The following SGCD variants were observed in gnomAD, a reference collection of about 807,000 sequenced individuals.
SGCD encodes the protein sarcoglycan delta.
In SGCD, 18 loss-of-function variants were observed where a neutral mutation model predicts 36.6. The ratio of observed to expected loss-of-function variants is 0.49; its 90% confidence interval spans 0.34 to 0.73. The LOEUF is 0.73. Ranked by LOEUF, SGCD falls within the 30% of genes least tolerant of loss-of-function variation. The probability of loss-of-function intolerance (pLI) is 0.01; values close to 1 mark genes in which losing one functional copy is unlikely to be tolerated. For synonymous variants in SGCD, 133 were observed against 130.6 expected (o/e 1.02, Z -0.12); for missense variants, 387 against 346.7 (o/e 1.12, Z -0.92).
intron 1 of SGCD, among the ~76,000 whole-genome samples, chr5:155,946,600 A>AT (rs1757442576): frequency 6.6e-6 from 1 of 152,180 alleles, no homozygotes; most frequent in Non-Finnish European, 1.5e-5. Context: ...ATAGTCAGAG[A>AT]TTGATACTCC....
chr5:156,205,672 A>G (rs1457822630), intron 3 of SGCD, among the ~76,000 whole-genome samples: 1 of 152,088 alleles, frequency 6.6e-6, no homozygotes, highest in Non-Finnish European at 1.5e-5. Flanking sequence ...ATACTTTTCC[A>G]TAAAGGTACA....
chr5:155,745,866 A>G, the SGCD span, among the ~76,000 whole-genome samples: 4 of 152,210 alleles, frequency 2.6e-5, no homozygotes, highest in Non-Finnish European at 4.4e-5. Flanking sequence ...ATGAACTGCA[A>G]TACATTGCTT....
intron 1 of SGCD, among the ~76,000 whole-genome samples, chr5:156,116,439 A>G (rs1012073862): frequency 6.6e-6 from 1 of 152,128 alleles, no homozygotes; most frequent in African/African-American, 2.4e-5. Context: ...GACACTTACT[A>G]GAGTTTTTCT....
At position 156,685,363 on chromosome 5, in the gene SGCD, G is replaced by A. The variant is rs539217113; in HGVS notation, c.575+37827G>A. The stretch of plus-strand genomic sequence containing the variant: ...GGCTGATATGAGCTAGAAAGTTGTC[G>A]GTGTTGCTCTATTTTGTCCTGGATC... On this transcript the variant is annotated intron_variant, in intron 7 of 8. Coordinates refer to ENST00000337851, the MANE Select transcript of SGCD (RefSeq NM_000337.6). Among the ~76,000 whole-genome samples, 5 of 152,264 alleles carry A rather than the reference G, an allele frequency of 3.3e-5. No homozygotes were observed. The South Asian group carries it at 8.3e-4, about 25-fold the overall frequency.
At chr5:156,744,836 T>C (rs1445182046) in intron 7 of SGCD, among the ~76,000 whole-genome samples, 1 of 152,192 alleles carries the variant, frequency 6.6e-6, no homozygotes. Context: ...GAGCTGATTT[T>C]ATCATACCAT....
At chr5:156,557,257 T>G (rs1759067272) in intron 4 of SGCD, among the ~76,000 whole-genome samples, 1 of 152,184 alleles carries the variant, frequency 6.6e-6, no homozygotes, top group East Asian at 1.9e-4. Context: ...CAACACCATC[T>G]GTCCCTTCAC....
At chr5:155,890,638 T>TA (rs548111953) in intron 1 of SGCD, among the ~76,000 whole-genome samples, 2 of 143,438 alleles carry the variant, frequency 1.4e-5, no homozygotes, top group Middle Eastern at 3.2e-3. Flanking sequence ...GATAGACAGA[T>TA]GATAGATAGA....
intron 1 of SGCD, among the ~76,000 whole-genome samples, chr5:155,997,832 A>T (rs1758584714): frequency 6.6e-6 from 1 of 152,262 alleles, no homozygotes; most frequent in South Asian, 2.1e-4. Context: ...TGGAGACACT[A>T]TGAAGAAGTG....
chr5:156,460,842 C>A (rs1484096050), intron 3 of SGCD, among the ~76,000 whole-genome samples: 1 of 152,144 alleles, frequency 6.6e-6, no homozygotes, highest in Non-Finnish European at 1.5e-5. Flanking sequence ...TTAAACAGAT[C>A]ACATTTTACT....
chr5:156,729,843 ACTTTGTGAGCT>A (rs1755966558), intron 7 of SGCD, among the ~76,000 whole-genome samples: 1 of 152,164 alleles, frequency 6.6e-6, no homozygotes, highest in Non-Finnish European at 1.5e-5. Context: ...GAGTTTCATA[ACTTTGTGAGCT>A]ACTATGTAGA....
At chr5:156,068,766 A>G (rs886598472) in intron 1 of SGCD, among the ~76,000 whole-genome samples, 4 of 151,814 alleles carry the variant, frequency 2.6e-5, no homozygotes, top group East Asian at 1.9e-4. Flanking sequence ...CTATTTCTCC[A>G]CATCCTCTCC....
At chr5:156,185,278 A>G (rs553196607) in intron 3 of SGCD, among the ~76,000 whole-genome samples, 22 of 147,864 alleles carry the variant, frequency 1.5e-4, no homozygotes, top group East Asian at 4.0e-4. Flanking sequence ...GCAGTGGCAC[A>G]ATCTCGGCTC....
At chr5:156,600,720 T>C (rs1236876738) in intron 6 of SGCD, among the ~76,000 whole-genome samples, 1 of 152,174 alleles carries the variant, frequency 6.6e-6, no homozygotes, top group African/African-American at 2.4e-5. Flanking sequence ...CATATGGTAG[T>C]TCTATTTTAA....
At chr5:156,372,910 A>C (rs1055228836) in intron 3 of SGCD, among the ~76,000 whole-genome samples, 1 of 145,988 alleles carries the variant, frequency 6.8e-6, no homozygotes, top group African/African-American at 2.8e-5. Flanking sequence ...AGGTCTTTCT[A>C]GGTGACAATC....
intron 3 of SGCD, among the ~76,000 whole-genome samples, chr5:156,392,626 C>A (rs935606260): frequency 6.6e-6 from 1 of 152,184 alleles, no homozygotes; most frequent in Non-Finnish European, 1.5e-5. Flanking sequence ...TTCTGTATCC[C>A]AGGGTTCTTG....
Position 156,036,448 on chromosome 5 carries a change from A to G in SGCD, c.-281-81430A>G, listed in dbSNP as rs182296294. ...GAAGAAATTTAAAGCAAAGAATGAC[A>G]GTCAGATCTCAGTCCTCATTTTCCC... On this transcript the variant is annotated intron_variant, in intron 1 of 9. Transcript: ENST00000517913. Among the ~76,000 whole-genome samples, 279 of 152,322 alleles carry G rather than the reference A, an allele frequency of 1.8e-3. 1 individual carries two copies. Among genetic ancestry groups the G allele is most frequent in the African/African-American group, 6.5e-3 (271 of 41,578 alleles).
chr5:156,590,740 CT>C (rs547851183), intron 5 of SGCD, among the ~76,000 whole-genome samples: 106 of 150,890 alleles, frequency 7.0e-4, no homozygotes, highest in South Asian at 3.0e-3. Flanking sequence ...GAGTCAGTCT[CT>C]TTTTTTCCCC....
rs561304173 is a variant in SGCD at position 156,279,607 on chromosome 5, G to A, written c.-43-49927G>A. ...AAATTTCTCATAACCACCAGAATGT[G>A]TTCCTCTTTTTTGGGGGAACAGTGG... On this transcript the variant is annotated intron_variant, in intron 3 of 9. Coordinates refer to the SGCD transcript ENST00000517913. 8.5e-5 allele frequency among the ~76,000 whole-genome samples: 13 copies of A among 152,282 alleles called. No homozygotes were observed. In the South Asian group the frequency reaches 1.9e-3, roughly 22 times the overall value.
In SGCD at chr5:156,395,360, A is replaced by C. The variant is rs78625916; in HGVS notation, c.192+50683A>C. ...GTCCTAAGTTGGAAGCTGAGACAAA[A>C]TTAGGGAAGCTGTCAGTTATTTAAT... is the stretch of plus-strand genomic sequence containing the variant. On this transcript the variant is annotated intron_variant, in intron 3 of 8. Transcript: ENST00000337851. Among the ~76,000 whole-genome samples the C allele has an allele frequency of 4.3e-4, 66 of 152,332 alleles. No individual in the cohort carries two copies. In the East Asian group the frequency reaches 0.011, roughly 25 times the overall value.
Sources: allele counts gnomAD v4.1 joint callset (sites outside exome capture counted in the v4.1 genomes callset), GRCh38; gene constraint gnomAD v4.1.1; transcripts MANE v1.5; gene names NCBI Gene and HGNC (gene_info 2026-07-23, HGNC 2026-07-21).